The following CACNB4 variants were observed in gnomAD, a reference collection of about 807,000 sequenced individuals.
CACNB4 encodes voltage-dependent L-type calcium channel subunit beta-4.
CACNB4 carries 32 observed loss-of-function variants against 71.2 expected under a neutral mutation model. The ratio of observed to expected loss-of-function variants is 0.45; its 90% CI spans 0.34 to 0.60. CACNB4 has a LOEUF of 0.60. Ranked by LOEUF, CACNB4 falls within the 20% of genes least tolerant of loss-of-function variation. The pLI, the probability that CACNB4 is intolerant of heterozygous loss-of-function variation, is 0.01. For missense variants in CACNB4, 464 were observed against 647.9 expected, an observed-to-expected ratio of 0.72 and a Z score of 3.08; for synonymous variants, 231 against 236.9, an observed-to-expected ratio of 0.97 and a Z score of 0.23.
intron 2 of CACNB4, among the ~76,000 whole-genome samples, chr2:151,990,126 A>G (rs1681624363): frequency 6.6e-6 from 1 of 152,178 alleles, no homozygotes; most frequent in Non-Finnish European, 1.5e-5. Flanking sequence ...TTGACACAAC[A>G]TCCATGACAC....
intron 2 of CACNB4, among the ~76,000 whole-genome samples, chr2:151,941,912 GAA>G (rs1007432531): frequency 6.6e-6 from 1 of 151,918 alleles, no homozygotes; most frequent in African/African-American, 2.4e-5. Context: ...AATAAAAAAT[GAA>G]AAAAAGAGAG....
intron 2 of CACNB4, among the ~76,000 whole-genome samples, chr2:152,061,969 G>A (rs548009723): frequency 3.3e-5 from 5 of 150,822 alleles, no homozygotes; most frequent in Admixed American, 6.6e-5. Flanking sequence ...CGGAGATCGC[G>A]CCACTGTACT....
At chr2:152,033,525 C>T (rs2105201652) in intron 2 of CACNB4, among the ~76,000 whole-genome samples, 1 of 152,314 alleles carries the variant, frequency 6.6e-6, no homozygotes, top group African/African-American at 2.4e-5. Context: ...CATCCTCTGC[C>T]ATTTAAGGCG....
intron 2 of CACNB4, among the ~76,000 whole-genome samples, chr2:152,012,810 A>T (rs1401427817): frequency 6.6e-6 from 1 of 152,204 alleles, no homozygotes; most frequent in Non-Finnish European, 1.5e-5. Flanking sequence ...AAAAATTCTT[A>T]AAAATGTAGT....
At chr2:152,024,181 G>A (rs964256591) in intron 2 of CACNB4, among the ~76,000 whole-genome samples, 1 of 152,178 alleles carries the variant, frequency 6.6e-6, no homozygotes, top group African/African-American at 2.4e-5. Flanking sequence ...AAATTAGCCA[G>A]GTATGGTGTC....
At chr2:152,062,604 C>T (rs1686080034) in intron 2 of CACNB4, among the ~76,000 whole-genome samples, 1 of 152,194 alleles carries the variant, frequency 6.6e-6, no homozygotes, top group African/African-American at 2.4e-5. Context: ...ACCTAATCAC[C>T]TCCCCATCTC....
chr2:151,999,096 A>C (rs1424745962), intron 2 of CACNB4, among the ~76,000 whole-genome samples: 2 of 152,132 alleles, frequency 1.3e-5, no homozygotes, highest in Non-Finnish European at 2.9e-5. Context: ...TGGCATAAGG[A>C]ATCAGTAGGA....
At chr2:151,842,940 A>T (rs1000897575) in intron 12 of CACNB4, among the ~76,000 whole-genome samples, 1 of 152,268 alleles carries the variant, frequency 6.6e-6, no homozygotes, top group Non-Finnish European at 1.5e-5. Flanking sequence ...GTTTTATGAT[A>T]AAACAATAAG....
chr2:151,849,100 G>A (rs764050195), intron 12 of CACNB4, among the ~76,000 whole-genome samples: 1 of 152,024 alleles, frequency 6.6e-6, no homozygotes. Flanking sequence ...AATGGGCAAC[G>A]AGAGGAAAGT....
chr2:152,098,583 C>CCCAACCAA lies in CACNB4; in HGVS notation c.64-171_64-170insTTGGTTGG. The CCCAACCAA allele has an allele frequency of 9.8e-7, 1 of 1,018,186 alleles. No individual in the cohort carries two copies. Among genetic ancestry groups the CCCAACCAA allele is most frequent in the Non-Finnish European group, 1.5e-6 (1 of 659,028 alleles). The allele number at this position is 1,018,186 out of a possible 1,614,324, so 63.1% of individuals were successfully genotyped here. On this transcript the variant is annotated intron_variant, in intron 1 of 13. Coordinates refer to ENST00000539935, the MANE Select transcript of CACNB4 (RefSeq NM_000726.5). The surrounding 1 kb of genome is among the most constrained non-coding windows in gnomAD (Gnocchi z 5.3). ...AATACAGCCCCCACCCCCACCCACCCACTGCAAGCCTCGACTGCTGAAAAG... is the reference window on the plus strand; with the variant it reads ...AATACAGCCCCCACCCCCACCCACCCCCAACCAAACTGCAAGCCTCGACTGCTGAAAAG...
intron 2 of CACNB4, among the ~76,000 whole-genome samples, chr2:152,050,033 G>T (rs73000911): frequency 0.046 from 6,973 of 152,286 alleles, 517 homozygotes; most frequent in African/African-American, 0.16. Flanking sequence ...TCCCAGCATG[G>T]GTCAGTCTGC....
intron 2 of CACNB4, among the ~76,000 whole-genome samples, chr2:152,003,271 T>C (rs1407533693): frequency 6.6e-6 from 1 of 152,006 alleles, no homozygotes; most frequent in East Asian, 1.9e-4. Context: ...GGTGAAACCC[T>C]GTCTCTATTA....
Position 152,099,029 on chromosome 2 carries a change from T to G in CACNB4, c.-18A>C. The G allele has an allele frequency of 2.0e-6, 3 of 1,511,476 alleles. No individual in the cohort carries two copies. The highest frequency in any genetic ancestry group is 2.4e-5 in the Admixed American group (1 of 41,972). The allele number at this position is 1,511,476 out of a possible 1,614,324, so 93.6% of individuals were successfully genotyped here. On this transcript the variant is annotated 5_prime_UTR_variant, in exon 1 of 14. An upstream start codon of the reference 5' UTR is lost. Transcript: ENST00000539935. The stretch of plus-strand genomic sequence containing the variant: ...GAGGACATCGTTCAGAGCCGCCGCA[T>G]GGCCAGCCCGTGTGCGGTGGGCGGA...
intron 2 of CACNB4, among the ~76,000 whole-genome samples, chr2:152,090,351 T>G (rs1024597709): frequency 6.6e-6 from 1 of 152,162 alleles, no homozygotes; most frequent in African/African-American, 2.4e-5. Context: ...CCTATAATTT[T>G]CTAGAAAAAT....
At chr2:152,067,867 T>C (rs1686433377) in intron 2 of CACNB4, among the ~76,000 whole-genome samples, 1 of 152,154 alleles carries the variant, frequency 6.6e-6, no homozygotes, top group South Asian at 2.1e-4. Context: ...ATAGGGTCAA[T>C]GGTAATTATA....
intron 2 of CACNB4, among the ~76,000 whole-genome samples, chr2:151,885,508 A>G (rs1306736819): frequency 6.6e-6 from 1 of 152,154 alleles, no homozygotes; most frequent in Non-Finnish European, 1.5e-5. Flanking sequence ...CACACAATAA[A>G]TCAACTTTTC....
chr2:151,934,663 C>G (rs1056352251), intron 2 of CACNB4, among the ~76,000 whole-genome samples: 16 of 152,028 alleles, frequency 1.1e-4, no homozygotes, highest in Non-Finnish European at 2.4e-4. Context: ...ATGGTGAAAC[C>G]CCGTCTCTAC....
At chr2:151,982,286 A>G (rs62176801) in intron 2 of CACNB4, among the ~76,000 whole-genome samples, 4,614 of 152,180 alleles carry the variant, frequency 0.03, 73 homozygotes, top group African/African-American at 0.045. Flanking sequence ...GTTCTTGCCA[A>G]TACAATAGGA....
At chr2:152,056,826 T>C (rs966828644) in intron 2 of CACNB4, among the ~76,000 whole-genome samples, 1 of 152,218 alleles carries the variant, frequency 6.6e-6, no homozygotes, top group African/African-American at 2.4e-5. Flanking sequence ...TGGATACTGT[T>C]ACCTCCAACT....
Sources: allele counts gnomAD v4.1 joint callset (sites outside exome capture counted in the v4.1 genomes callset), GRCh38; gene constraint gnomAD v4.1.1; non-coding constraint Gnocchi (gnomAD v3.1); transcripts MANE v1.5; gene names NCBI Gene and HGNC (gene_info 2026-07-23, HGNC 2026-07-21).